Variants in CALD1 observed in about 807,000 individuals in gnomAD.
CALD1 encodes the protein caldesmon.
CALD1 carries 33 observed loss-of-function variants against 99.9 expected under a neutral mutation model. The observed-to-expected ratio is 0.33, with a 90% CI of 0.25 to 0.44. The LOEUF (loss-of-function observed/expected upper bound fraction) is 0.44. Ranked by LOEUF, CALD1 falls within the 20% of genes least tolerant of loss-of-function variation. The pLI, the probability that CALD1 is intolerant of heterozygous loss-of-function variation, is 1.00. For synonymous variants in CALD1, 310 were observed against 325.0 expected (o/e 0.95, Z 0.50); for missense variants, 861 against 962.1 (o/e 0.89, Z 1.39).
intron 1 of CALD1, among the ~76,000 whole-genome samples, chr7:134,826,179 C>T (rs1308399041): frequency 6.6e-6 from 1 of 152,058 alleles, no homozygotes; most frequent in Non-Finnish European, 1.5e-5. Flanking sequence ...ATTCTATTGT[C>T]TGCTCCAAAG....
upstream of CALD1, among the ~76,000 whole-genome samples, chr7:134,774,909 G>A (rs986878304): frequency 2.6e-5 from 4 of 152,146 alleles, no homozygotes; most frequent in South Asian, 8.3e-4. Flanking sequence ...GTCTGGAGAG[G>A]TTTGGGGAAG....
At chr7:134,742,076 G>A (rs1175456879), upstream of CALD1, among the ~76,000 whole-genome samples, 1 of 151,112 alleles carries the variant, frequency 6.6e-6, no homozygotes, top group Non-Finnish European at 1.5e-5. Flanking sequence ...GTATGTCTTG[G>A]CCCCACATTA....
chr7:134,756,350 A>G (rs1232284460), intron 1 of CALD1, among the ~76,000 whole-genome samples: 1 of 68,528 alleles, frequency 1.5e-5, no homozygotes, highest in Non-Finnish European at 2.3e-5. Context: ...TATCTCTATC[A>G]TATGGCATTT....
At chr7:134,772,180 G>A (rs865948583) in intron 1 of CALD1, among the ~76,000 whole-genome samples, 3 of 148,714 alleles carry the variant, frequency 2.0e-5, no homozygotes, top group East Asian at 2.0e-4. Flanking sequence ...CTGTAGCTTC[G>A]ACCTCCCAGG....
chr7:134,741,282 A>C (rs1368487386), upstream of CALD1, among the ~76,000 whole-genome samples: 1 of 152,200 alleles, frequency 6.6e-6, no homozygotes, highest in Non-Finnish European at 1.5e-5. Flanking sequence ...GGCAGCAGTA[A>C]GGAGAAGTGA....
chr7:134,957,936 C>A, intron 9 of CALD1, 133 bp from the exon 10 acceptor site: 1 of 675,266 alleles, frequency 1.5e-6, no homozygotes, highest in Non-Finnish European at 2.6e-6. Flanking sequence ...CAGAGCTACG[C>A]ACAGTAACTC....
At chr7:134,917,458 C>A (rs1804296493) in intron 3 of CALD1, among the ~76,000 whole-genome samples, 1 of 152,158 alleles carries the variant, frequency 6.6e-6, no homozygotes, top group Admixed American at 6.6e-5. Flanking sequence ...AAGAGATTCT[C>A]CTGCCTCAGC....
chr7:134,863,859 AAG>A (rs1460658522), intron 2 of CALD1, among the ~76,000 whole-genome samples: 4 of 152,224 alleles, frequency 2.6e-5, no homozygotes, highest in Admixed American at 6.5e-5. Flanking sequence ...GTCACAAAGA[AAG>A]AGAAAATTTT....
In CALD1 at chr7:134,761,693, C is replaced by A. The variant is rs183036124; in HGVS notation, c.-130+17330C>A. Among the ~76,000 whole-genome samples, 573 of 152,254 alleles carry A rather than the reference C, an allele frequency of 3.8e-3. 2 individuals are homozygous for A. Among genetic ancestry groups the A allele is most frequent in the African/African-American group, 0.013 (542 of 41,552 alleles). On this transcript the variant is annotated intron_variant, in intron 1 of 13. Coordinates refer to the CALD1 transcript ENST00000417172. Reference sequence around the variant, plus strand: ...CACTCTTTCTGTGTTAGAACTCTTCCTGTGTCCTGAGGTCAGGTTCTAAAC... The same window carrying A: ...CACTCTTTCTGTGTTAGAACTCTTCATGTGTCCTGAGGTCAGGTTCTAAAC...
chr7:134,724,077 T>C, the CALD1 span, among the ~76,000 whole-genome samples: 1 of 152,226 alleles, frequency 6.6e-6, no homozygotes, highest in African/African-American at 2.4e-5. Context: ...GGAGAATCTG[T>C]CCATAAAAGG....
intron 3 of CALD1, among the ~76,000 whole-genome samples, chr7:134,901,950 T>G (rs1803030161): frequency 6.6e-6 from 1 of 152,192 alleles, no homozygotes; most frequent in East Asian, 1.9e-4. Flanking sequence ...CCTGAGGTAC[T>G]GGGGGTTAAG....
chr7:134,935,701 G>C lies in CALD1; in HGVS notation c.1322G>C (p.Gly441Ala). The C allele has an allele frequency of 1.2e-6, 2 of 1,604,670 alleles. No individual in the cohort carries two copies. Among genetic ancestry groups the C allele is most frequent in the Non-Finnish European group, 1.7e-6 (2 of 1,176,020 alleles). Reference sequence around the variant, plus strand: ...GAAAATAAAAAGGGAGAAGAGAAGGGAACTAAAGTGCAAGCTAAAAGAGAA... The same window carrying C: ...GAAAATAAAAAGGGAGAAGAGAAGGCAACTAAAGTGCAAGCTAAAAGAGAA... Reference protein sequence around the residue: ...AVLKKQGEEKGTKVQAKREKL... With the variant: ...AVLKKQGEEKATKVQAKREKL... Residue 441 changes from glycine to alanine, a missense_variant, in exon 6 of 15, where the codon GGA (glycine) becomes GCA (alanine). Physicochemically the swap from Gly to Ala is moderately conservative, Grantham distance 60. This residue lies in a region of CALD1 where 293 missense variants were observed against 262.7 expected (regional missense o/e 1.12). Coordinates refer to ENST00000361675, the MANE Select transcript of CALD1 (RefSeq NM_033138.4).
At chr7:134,769,327 T>C (rs961926261) in intron 1 of CALD1, among the ~76,000 whole-genome samples, 3 of 152,188 alleles carry the variant, frequency 2.0e-5, no homozygotes, top group Non-Finnish European at 4.4e-5. Flanking sequence ...CTAGATATTG[T>C]CAAATCACTC....
At chr7:134,888,365 C>G (rs1395166008) in intron 3 of CALD1, among the ~76,000 whole-genome samples, 5 of 152,192 alleles carry the variant, frequency 3.3e-5, no homozygotes, top group Admixed American at 3.3e-4. Flanking sequence ...TCAGAGACAC[C>G]AGTTCTGGCA....
chr7:134,816,349 T>C (rs148839863), intron 1 of CALD1, among the ~76,000 whole-genome samples: 2 of 152,330 alleles, frequency 1.3e-5, no homozygotes, highest in African/African-American at 2.4e-5. Context: ...AGTTTGTCCA[T>C]TGGCAGCCAT....
chr7:134,766,778 C>T (rs1363053219), intron 1 of CALD1, among the ~76,000 whole-genome samples: 1 of 152,032 alleles, frequency 6.6e-6, no homozygotes, highest in African/African-American at 2.4e-5. Flanking sequence ...ACACTGGCGT[C>T]AGGAGCCACC....
chr7:134,721,232 T>C, the CALD1 span, among the ~76,000 whole-genome samples: 2 of 151,762 alleles, frequency 1.3e-5, no homozygotes, highest in African/African-American at 4.9e-5. Flanking sequence ...GGGAATAGGA[T>C]ATTTTCAAGA....
chr7:134,772,859 G>C (rs555035097), intron 1 of CALD1, among the ~76,000 whole-genome samples: 1 of 152,176 alleles, frequency 6.6e-6, no homozygotes, highest in African/African-American at 2.4e-5. Context: ...GTTTCTTAAT[G>C]AGCCATACAG....
intron 1 of CALD1, among the ~76,000 whole-genome samples, chr7:134,823,993 A>G (rs1017824746): frequency 3.2e-4 from 48 of 152,138 alleles, no homozygotes; most frequent in African/African-American, 1.2e-3. Flanking sequence ...CAGAAGGGGG[A>G]TTTGGTCCAT....
Sources: allele counts gnomAD v4.1 joint callset (sites outside exome capture counted in the v4.1 genomes callset), GRCh38; gene constraint gnomAD v4.1.1; regional missense constraint gnomAD v4.1.1; transcripts MANE v1.5; gene names NCBI Gene and HGNC (gene_info 2026-07-23, HGNC 2026-07-21).